The following FEZ2 variants were observed in gnomAD, a reference collection of about 807,000 sequenced individuals.
The protein encoded by FEZ2 is fasciculation and elongation protein zeta 2.
A neutral mutation model predicts 40.4 loss-of-function variants in FEZ2; 51 were observed. The ratio of observed to expected loss-of-function variants is 1.26; its 90% CI spans 1.01 to 1.59. The LOEUF (loss-of-function observed/expected upper bound fraction) is 1.59. Among genes scored for constraint, FEZ2 ranks in the 40% most tolerant of loss-of-function variants. The pLI is 0.00. For synonymous variants in FEZ2, 242 were observed against 172.0 expected (o/e 1.41, Z -3.18); for missense variants, 640 against 438.3 (o/e 1.46, Z -4.11).
In FEZ2 at chr2:36,553,175, C is replaced by T. The variant is rs1250095030; in HGVS notation, c.1050G>A (p.Leu350=). The change falls in exon 8 of 8, where the codon CTG becomes CTA. Residue 350 remains leucine (L), a synonymous_variant. Transcript: ENST00000405912. ...SLLTDYILKV[L]CPT ...TAAAGTTGCTGCTCTATGTAGGACA[C>T]AGAACTAGAAGAAAAAGAGAACTTT... The T allele has an allele frequency of 1.3e-6, 2 of 1,560,742 alleles. No individual in the cohort carries two copies. The highest frequency in any genetic ancestry group is 1.7e-6 in the Non-Finnish European group (2 of 1,150,326).
intron 5 of FEZ2, among the ~76,000 whole-genome samples, chr2:36,573,288 T>A (rs1291946953): frequency 6.6e-6 from 1 of 152,136 alleles, no homozygotes; most frequent in Non-Finnish European, 1.5e-5. Context: ...TACTAAGTTA[T>A]GATGCTAAGC....
intron 1 of FEZ2, among the ~76,000 whole-genome samples, chr2:36,597,646 A>G (rs1402126655): frequency 6.6e-6 from 1 of 152,104 alleles, no homozygotes; most frequent in South Asian, 2.1e-4. Flanking sequence ...TGCAGGAAGG[A>G]GGGCGGGAGG....
intron 7 of FEZ2, among the ~76,000 whole-genome samples, chr2:36,553,953 A>G (rs1667889296): frequency 6.6e-6 from 1 of 152,148 alleles, no homozygotes; most frequent in Non-Finnish European, 1.5e-5. Flanking sequence ...AGCATTTTCA[A>G]TGACCCGACT....
At chr2:36,576,589 G>A (rs1668577477) in intron 5 of FEZ2, among the ~76,000 whole-genome samples, 1 of 152,148 alleles carries the variant, frequency 6.6e-6, no homozygotes, top group Non-Finnish European at 1.5e-5. Flanking sequence ...GGCTTTAAAA[G>A]GATACAGGAA....
chr2:36,581,012 C>T (rs1241095296), intron 4 of FEZ2, among the ~76,000 whole-genome samples: 1 of 152,068 alleles, frequency 6.6e-6, no homozygotes, highest in Non-Finnish European at 1.5e-5. Flanking sequence ...ATTAGCCAGG[C>T]GTGGTGGCGG....
intron 5 of FEZ2, among the ~76,000 whole-genome samples, chr2:36,578,247 A>G (rs1015774525): frequency 6.6e-6 from 1 of 152,260 alleles, no homozygotes; most frequent in Non-Finnish European, 1.5e-5. Context: ...AAAAACTACT[A>G]GCCAAATATA....
chr2:36,579,069 G>A lies in FEZ2; in HGVS notation c.635-204C>T, dbSNP rs1224189038. ...GGAGATCAGATCTGAGTAGAGGTAAGTGGGCAGGTGAGTCACTTCTCAGCT... is the reference window on the plus strand; with the variant it reads ...GGAGATCAGATCTGAGTAGAGGTAAATGGGCAGGTGAGTCACTTCTCAGCT... On this transcript the variant is annotated intron_variant, in intron 4 of 7. Transcript: ENST00000405912. The A allele has an allele frequency of 1.8e-5, 9 of 500,468 alleles. No individual in the cohort carries two copies. The East Asian group carries it at 2.2e-4, about 12-fold the overall frequency. The allele number at this position is 500,468 out of a possible 1,614,324, so 31.0% of individuals were successfully genotyped here.
At chr2:36,587,963 CAG>C (rs943175293) in intron 2 of FEZ2, among the ~76,000 whole-genome samples, 37 of 152,274 alleles carry the variant, frequency 2.4e-4, no homozygotes, top group African/African-American at 8.7e-4. Context: ...CATGTCACAA[CAG>C]AGAGATGATA....
chr2:36,576,605 T>C (rs1468089214), intron 5 of FEZ2, among the ~76,000 whole-genome samples: 1 of 152,204 alleles, frequency 6.6e-6, no homozygotes, highest in Non-Finnish European at 1.5e-5. Context: ...AGGAAACTAG[T>C]ACTGCAAGCT....
chr2:36,587,361 A>C (rs538836727), intron 2 of FEZ2, among the ~76,000 whole-genome samples: 32 of 152,268 alleles, frequency 2.1e-4, no homozygotes, highest in African/African-American at 7.5e-4. Context: ...TCCTCCCTTC[A>C]GCATTAAATG....
At chr2:36,553,388 G>A (rs1667872026) in intron 7 of FEZ2, among the ~76,000 whole-genome samples, 1 of 152,152 alleles carries the variant, frequency 6.6e-6, no homozygotes, top group Non-Finnish European at 1.5e-5. Context: ...TCCCAGAAAT[G>A]AGATACCAAA....
chr2:36,554,325 A>G, intron 7 of FEZ2: 2 of 471,092 alleles, frequency 4.2e-6, no homozygotes, highest in South Asian at 1.5e-5. Flanking sequence ...TCTTTGGGTC[A>G]TAACATCCTT....
chr2:36,595,607 C>A (rs1558462351), intron 1 of FEZ2, among the ~76,000 whole-genome samples: 1 of 152,164 alleles, frequency 6.6e-6, no homozygotes, highest in Non-Finnish European at 1.5e-5. Flanking sequence ...GTCTGTGGAC[C>A]AGGGGTTGGG....
intron 5 of FEZ2, among the ~76,000 whole-genome samples, chr2:36,564,159 A>G (rs1312413179): frequency 6.6e-6 from 1 of 152,234 alleles, no homozygotes; most frequent in Non-Finnish European, 1.5e-5. Context: ...CATGTTAGCT[A>G]TCTTTACTGT....
At chr2:36,592,074 C>G (rs1435726045) in intron 1 of FEZ2, among the ~76,000 whole-genome samples, 1 of 152,122 alleles carries the variant, frequency 6.6e-6, no homozygotes. Context: ...GACTTGAAAT[C>G]TAATTGGGAT....
At chr2:36,572,017 GA>G (rs34787798) in intron 5 of FEZ2, among the ~76,000 whole-genome samples, 250 of 110,060 alleles carry the variant, frequency 2.3e-3, no homozygotes, top group African/African-American at 3.7e-3. Flanking sequence ...TCCGTCTCAG[GA>G]AAAAAAAAAA....
At chr2:36,595,331 ACTAGATGGTC>A (rs1669185258) in intron 1 of FEZ2, among the ~76,000 whole-genome samples, 1 of 152,024 alleles carries the variant, frequency 6.6e-6, no homozygotes, top group Admixed American at 6.6e-5. Flanking sequence ...TTTTCCTGCA[ACTAGATGGTC>A]CTATCTGGGG....
chr2:36,571,608 T>TG (rs1458502466), intron 5 of FEZ2, among the ~76,000 whole-genome samples: 2 of 151,548 alleles, frequency 1.3e-5, no homozygotes, highest in Non-Finnish European at 2.9e-5. Flanking sequence ...TGGGCCCAGA[T>TG]GGCACCACTG....
intron 1 of FEZ2, among the ~76,000 whole-genome samples, chr2:36,596,367 G>C (rs1433120455): frequency 1.3e-5 from 2 of 152,118 alleles, no homozygotes; most frequent in East Asian, 1.9e-4. Flanking sequence ...ACTCCTTTCC[G>C]TGCCCGTGAC....
Sources: gnomAD v4.1 joint callset for allele counts (sites outside exome capture counted in the v4.1 genomes callset) on GRCh38, gnomAD v4.1.1 for gene constraint, MANE v1.5 for transcripts, NCBI Gene and HGNC (gene_info 2026-07-23, HGNC 2026-07-21) for gene names.